Variants in SNX25 observed in about 807,000 individuals in gnomAD.
The protein encoded by SNX25 is sorting nexin-25.
Under a neutral mutation model 113.7 loss-of-function variants are expected in SNX25, and 62 were observed. The observed-to-expected ratio is 0.55, with a 90% confidence interval of 0.44 to 0.67. The LOEUF (loss-of-function observed/expected upper bound fraction) is 0.67, where lower values mean the gene tolerates loss of function less well. Ranked by LOEUF, SNX25 falls within the 30% of genes least tolerant of loss-of-function variation. SNX25 has a pLI of 0.00. For synonymous variants in SNX25, 421 were observed against 436.2 expected (o/e 0.97, Z 0.43); for missense variants, 1,014 against 1,161.0 (o/e 0.87, Z 1.84).
chr4:185,313,682 C>G (rs866534638), intron 7 of SNX25, among the ~76,000 whole-genome samples: 1 of 152,228 alleles, frequency 6.6e-6, no homozygotes, highest in Middle Eastern at 3.4e-3. Context: ...TAAAGCACCA[C>G]TTACAGGAAT....
intron 4 of SNX25, among the ~76,000 whole-genome samples, chr4:185,266,355 T>C (rs761767548): frequency 6.6e-5 from 10 of 152,126 alleles, no homozygotes; most frequent in Non-Finnish European, 1.3e-4. Flanking sequence ...TTGGTTGTTG[T>C]AATTTTGTGG....
intron 5 of SNX25, among the ~76,000 whole-genome samples, chr4:185,279,965 G>C (rs1750329742): frequency 6.6e-6 from 1 of 152,080 alleles, no homozygotes; most frequent in South Asian, 2.1e-4. Context: ...CTGTCACCCA[G>C]GCTGGAGTGC....
At chr4:185,372,557 G>C (rs896993487), downstream of SNX25, among the ~76,000 whole-genome samples, 5 of 152,188 alleles carry the variant, frequency 3.3e-5, no homozygotes, top group Admixed American at 6.5e-5. Flanking sequence ...GCTATGGTTT[G>C]ACTAGTAAGT....
rs1021325987 is a variant in SNX25, at chr4:185,264,620, T to C, written c.904+10T>C. On this transcript the variant is annotated intron_variant, in intron 4 of 18. Transcript: ENST00000652585. ...ATTCTCACAACAAAAGGTAGACTTA[T>C]ACAGTTGATTTCACTAATTCAATAA... 6.2e-6 allele frequency: 10 copies of C among 1,612,926 alleles called. No homozygotes were observed. The highest frequency in any genetic ancestry group is 2.2e-5 in the East Asian group (1 of 44,872).
At chr4:185,304,253 C>T (rs1754132596) in intron 6 of SNX25, among the ~76,000 whole-genome samples, 1 of 152,332 alleles carries the variant, frequency 6.6e-6, no homozygotes, top group South Asian at 2.1e-4. Flanking sequence ...TTAGTGATCA[C>T]GGCTCACTGC....
chr4:185,214,388 C>G (rs1434436251), intron 1 of SNX25, among the ~76,000 whole-genome samples: 2 of 113,344 alleles, frequency 1.8e-5, no homozygotes, highest in Non-Finnish European at 3.6e-5. Flanking sequence ...GAAACTCCAT[C>G]TCTACCAAAA....
upstream of SNX25, chr4:185,207,723 A>G (rs1390177053): frequency 1.3e-5 from 2 of 152,210 alleles, no homozygotes; most frequent in African/African-American, 4.8e-5. Context: ...AATGTTGAGC[A>G]TGTCATCTTA....
At position 185,334,839 on chromosome 4, in the gene SNX25, C is replaced by T. The variant is rs1175402959; in HGVS notation, c.1914+2080C>T. 6.6e-6 allele frequency among the ~76,000 whole-genome samples: 1 copy of T among 152,198 alleles called. No homozygotes were observed. The highest frequency in any genetic ancestry group is 1.5e-5 in the Non-Finnish European group (1 of 68,034). ...TGTGGCTTAACTTGAACTCTACTCTCTGATCTACATTTGCTGTGTAATCAG... is the reference window on the plus strand; with the variant it reads ...TGTGGCTTAACTTGAACTCTACTCTTTGATCTACATTTGCTGTGTAATCAG... On this transcript the variant is annotated intron_variant, in intron 10 of 18. Coordinates refer to ENST00000652585, the MANE Select transcript of SNX25 (RefSeq NM_001378034.2). The surrounding 1 kb of genome is among the most constrained non-coding windows in gnomAD (Gnocchi z 4.2).
intron 1 of SNX25, among the ~76,000 whole-genome samples, chr4:185,233,408 T>C (rs1742146619): frequency 6.6e-6 from 1 of 152,218 alleles, no homozygotes; most frequent in African/African-American, 2.4e-5. Flanking sequence ...TGTTAGATGA[T>C]TGAATAAACT....
At chr4:185,236,250 A>G (rs1015494125) in intron 1 of SNX25, among the ~76,000 whole-genome samples, 8 of 152,060 alleles carry the variant, frequency 5.3e-5, no homozygotes, top group South Asian at 2.1e-4. Flanking sequence ...ACTTTTTATA[A>G]CTTTTCCCAC....
intron 2 of SNX25, among the ~76,000 whole-genome samples, chr4:185,250,745 G>A (rs1255458586): frequency 6.6e-6 from 1 of 150,464 alleles, no homozygotes; most frequent in Non-Finnish European, 1.5e-5. Context: ...TTACTTTTGT[G>A]GGGTGGGATG....
intron 12 of SNX25, among the ~76,000 whole-genome samples, chr4:185,342,736 C>T (rs1014740879): frequency 2.7e-5 from 4 of 150,108 alleles, no homozygotes; most frequent in African/African-American, 9.8e-5. Flanking sequence ...CAGTAAGGTG[C>T]GGTGCTTGGA....
intron 6 of SNX25, among the ~76,000 whole-genome samples, chr4:185,306,045 C>G (rs1407662838): frequency 6.6e-6 from 1 of 152,188 alleles, no homozygotes; most frequent in African/African-American, 2.4e-5. Flanking sequence ...CTACTTAACA[C>G]TCTATAGAGA....
chr4:185,233,517 T>A (rs1443921021), intron 1 of SNX25, among the ~76,000 whole-genome samples: 1 of 151,898 alleles, frequency 6.6e-6, no homozygotes, highest in Admixed American at 6.5e-5. Context: ...AATTTTTTTA[T>A]CATATAAACT....
chr4:185,359,270 T>C (rs1278591011), intron 16 of SNX25, among the ~76,000 whole-genome samples: 1 of 151,986 alleles, frequency 6.6e-6, no homozygotes, highest in African/African-American at 2.4e-5. Context: ...GGAGAACTGC[T>C]TGAGTCCAGG....
At chr4:185,264,671 A>G (rs1747802482) in intron 4 of SNX25, 61 bp downstream of exon 4, 4 of 1,522,110 alleles carry the variant, frequency 2.6e-6, no homozygotes, top group Non-Finnish European at 3.6e-6. Flanking sequence ...TGCTACATGC[A>G]GACCTTGTTT....
Position 185,239,272 on chromosome 4 carries a change from A to G in SNX25, c.430-8022A>G, listed in dbSNP as rs568572346. The stretch of plus-strand genomic sequence containing the variant: ...CAAGGCGGGCAGATCACTTGAGGTC[A>G]GGAGATCGAGACCATCCTGGCCAAC... On this transcript the variant is annotated intron_variant, in intron 1 of 18. Transcript: ENST00000652585. Among the ~76,000 whole-genome samples the G allele has an allele frequency of 5.3e-3, 730 of 138,976 alleles. 3 individuals are homozygous for G. The highest frequency in any genetic ancestry group is 8.7e-3 in the Admixed American group (121 of 13,904). 91.2% of individuals were successfully genotyped at this position (138,976 alleles called of 152,430 possible).
At position 185,234,383 on chromosome 4, in the gene SNX25, T is replaced by C. The variant is rs1300950760; in HGVS notation, c.430-12911T>C. On this transcript the variant is annotated intron_variant, in intron 1 of 18. Coordinates refer to ENST00000652585, the MANE Select transcript of SNX25 (RefSeq NM_001378034.2). ...CATTTTTCGGAAAGGAAATTAACGT[T>C]GTTAAAAAGTTTAGGCTGGCCGGGC... 2.5e-4 allele frequency among the ~76,000 whole-genome samples: 35 copies of C among 140,302 alleles called. 2 individuals are homozygous for C. Among genetic ancestry groups the C allele is most frequent in the Non-Finnish European group, 4.5e-4 (29 of 64,592 alleles). The allele number at this position is 140,302 out of a possible 152,430, so 92.0% of individuals were successfully genotyped here.
At chr4:185,238,350 A>G (rs1054628400) in intron 1 of SNX25, among the ~76,000 whole-genome samples, 10 of 151,986 alleles carry the variant, frequency 6.6e-5, no homozygotes, top group South Asian at 2.1e-4. Context: ...GGGGAGTGAC[A>G]CTGTTGCTCA....
Sources: gnomAD v4.1 joint callset for allele counts (sites outside exome capture counted in the v4.1 genomes callset) on GRCh38, gnomAD v4.1.1 for gene constraint, Gnocchi (gnomAD v3.1) non-coding constraint, MANE v1.5 for transcripts, NCBI Gene and HGNC (gene_info 2026-07-23, HGNC 2026-07-21) for gene names.